LRRC8D: variants seen among roughly 807,000 people sequenced by gnomAD.
The protein encoded by LRRC8D is volume-regulated anion channel subunit LRRC8D.
In LRRC8D, 20 loss-of-function variants were observed where a neutral mutation model predicts 55.8. That is an observed-to-expected ratio of 0.36 (90% CI 0.25 to 0.52). The LOEUF is 0.52. Ranked by LOEUF, LRRC8D falls within the 20% of genes least tolerant of loss-of-function variation. The probability of loss-of-function intolerance (pLI) is 0.93; values close to 1 mark genes in which losing one functional copy is unlikely to be tolerated. For synonymous variants in LRRC8D, 352 were observed against 377.0 expected (o/e 0.93, Z 0.77); for missense variants, 651 against 1,030.8 (o/e 0.63, Z 5.05).
Position 89,868,661 on chromosome 1 carries a change from GT to G in LRRC8D, c.-3+24881del, listed in dbSNP as rs956112456. On this transcript the variant is annotated intron_variant, in intron 2 of 2. Coordinates refer to ENST00000337338, the MANE Select transcript of LRRC8D (RefSeq NM_001134479.2). The stretch of plus-strand genomic sequence containing the variant: ...TTAATTGACATAGCAACTCGATGAA[GT>G]TGATCCTACTCTTATTCCTGTATTA... Among the ~76,000 whole-genome samples, 17 of 152,278 alleles carry G rather than the reference GT, an allele frequency of 1.1e-4. No homozygotes were observed. The Middle Eastern group carries it at 0.01, about 91-fold the overall frequency.
chr1:89,836,917 G>C (rs1661016537), intron 1 of LRRC8D, among the ~76,000 whole-genome samples: 1 of 152,178 alleles, frequency 6.6e-6, no homozygotes, highest in Non-Finnish European at 1.5e-5. Flanking sequence ...AGTTACTTTT[G>C]AATACGGATT....
intron 2 of LRRC8D, among the ~76,000 whole-genome samples, chr1:89,848,143 G>C (rs188985288): frequency 7.2e-5 from 11 of 152,258 alleles, no homozygotes; most frequent in Admixed American, 4.6e-4. Flanking sequence ...CGGGCTAATC[G>C]TTTTTCATGG....
intron 2 of LRRC8D, among the ~76,000 whole-genome samples, chr1:89,845,963 T>TCAA (rs1661266678): frequency 6.6e-6 from 1 of 152,016 alleles, no homozygotes; most frequent in African/African-American, 2.4e-5. Flanking sequence ...GTATTTTTAG[T>TCAA]ATTGATGGGG....
chr1:89,869,885 G>A (rs1030722770), intron 2 of LRRC8D, among the ~76,000 whole-genome samples: 5 of 152,102 alleles, frequency 3.3e-5, no homozygotes, highest in East Asian at 1.9e-4. Flanking sequence ...TGAGGCAGGC[G>A]GATCACAAGG....
intron 2 of LRRC8D, among the ~76,000 whole-genome samples, chr1:89,902,725 A>G (rs2801997): frequency 0.34 from 51,549 of 151,418 alleles, 9,186 homozygotes; most frequent in African/African-American, 0.43. Context: ...GGTTTTCACC[A>G]TGTTTAGCCA....
intron 2 of LRRC8D, among the ~76,000 whole-genome samples, chr1:89,879,861 GAA>G (rs1662237127): frequency 6.6e-6 from 1 of 151,956 alleles, no homozygotes; most frequent in South Asian, 2.1e-4. Flanking sequence ...ATTCTAATTG[GAA>G]AAAGAGACAT....
intron 1 of LRRC8D, among the ~76,000 whole-genome samples, chr1:89,828,292 G>C (rs953070518): frequency 6.6e-6 from 1 of 152,330 alleles, no homozygotes; most frequent in Middle Eastern, 3.4e-3. Context: ...GGGCTGGATG[G>C]ATGATGGGAC....
At chr1:89,883,221 C>CGTGTGT (rs149154219) in intron 2 of LRRC8D, among the ~76,000 whole-genome samples, 42 of 149,048 alleles carry the variant, frequency 2.8e-4, no homozygotes, top group African/African-American at 9.3e-4. Context: ...CGTGTGTAGG[C>CGTGTGT]GTGTGTGTGT....
chr1:89,876,174 G>A (rs2100835733), intron 2 of LRRC8D, among the ~76,000 whole-genome samples: 1 of 152,180 alleles, frequency 6.6e-6, no homozygotes, highest in East Asian at 1.9e-4. Flanking sequence ...ACTTTCCTGG[G>A]GCTGAGGTTA....
intron 2 of LRRC8D, among the ~76,000 whole-genome samples, chr1:89,927,358 C>G (rs1353151290): frequency 6.6e-6 from 1 of 152,214 alleles, no homozygotes; most frequent in Non-Finnish European, 1.5e-5. Context: ...TTTATAAATT[C>G]AACACACCCA....
intron 2 of LRRC8D, among the ~76,000 whole-genome samples, chr1:89,915,629 CTG>C (rs1245997731): frequency 6.6e-6 from 1 of 152,170 alleles, no homozygotes; most frequent in Non-Finnish European, 1.5e-5. Context: ...CTTTGCCTGA[CTG>C]TATTCGCCCT....
intron 1 of LRRC8D, among the ~76,000 whole-genome samples, chr1:89,831,945 C>T (rs1373245046): frequency 3.3e-5 from 5 of 152,166 alleles, no homozygotes; most frequent in Admixed American, 6.5e-5. Context: ...AGGAAAAAGA[C>T]GGTTTGGAAC....
At chr1:89,919,076 A>T (rs574213903) in intron 2 of LRRC8D, among the ~76,000 whole-genome samples, 1 of 152,340 alleles carries the variant, frequency 6.6e-6, no homozygotes, top group South Asian at 2.1e-4. Context: ...ACAGTTCTGC[A>T]AGTATCATGA....
chr1:89,855,019 A>G (rs1661516297), intron 2 of LRRC8D, among the ~76,000 whole-genome samples: 1 of 152,168 alleles, frequency 6.6e-6, no homozygotes, highest in South Asian at 2.1e-4. Context: ...GTTTCATAAG[A>G]GAAGGTGATG....
At chr1:89,920,978 A>C (rs1337137029) in intron 2 of LRRC8D, among the ~76,000 whole-genome samples, 1 of 152,240 alleles carries the variant, frequency 6.6e-6, no homozygotes, top group Non-Finnish European at 1.5e-5. Flanking sequence ...CATGTTCTCC[A>C]TTTGCCCAGG....
rs141712308 is a variant in LRRC8D, at chr1:89,917,681, G to T, written c.-2-15386G>T. ...CCAGCTGGAGGAAACACCCCATTAT[G>T]CACTTTCATAGTACCATGCAAGCAG... On this transcript the variant is annotated intron_variant, in intron 2 of 2. Coordinates refer to ENST00000337338, the MANE Select transcript of LRRC8D (RefSeq NM_001134479.2). Among the ~76,000 whole-genome samples the T allele has an allele frequency of 5.0e-3, 766 of 152,182 alleles. 11 individuals carry two copies. The highest frequency in any genetic ancestry group is 0.017 in the African/African-American group (715 of 41,502).
At chr1:89,875,153 T>C (rs1189522035) in intron 2 of LRRC8D, among the ~76,000 whole-genome samples, 2 of 152,210 alleles carry the variant, frequency 1.3e-5, no homozygotes, top group Non-Finnish European at 2.9e-5. Flanking sequence ...CCCGGTAGAA[T>C]CTTTTGGAAT....
chr1:89,827,966 G>A (rs1036377583), intron 1 of LRRC8D, among the ~76,000 whole-genome samples: 4 of 152,168 alleles, frequency 2.6e-5, no homozygotes, highest in Non-Finnish European at 5.9e-5. Context: ...CATATATTCA[G>A]ACCCTTCCCC....
intron 2 of LRRC8D, among the ~76,000 whole-genome samples, chr1:89,873,349 C>T (rs554695707): frequency 2.0e-5 from 3 of 152,304 alleles, no homozygotes; most frequent in Admixed American, 1.3e-4. Flanking sequence ...TGCATATATA[C>T]ACTTTTTAGG....
Sources: gnomAD v4.1 joint callset for allele counts (sites outside exome capture counted in the v4.1 genomes callset) on GRCh38, gnomAD v4.1.1 for gene constraint, MANE v1.5 for transcripts, NCBI Gene and HGNC (gene_info 2026-07-23, HGNC 2026-07-21) for gene names.